The following PAK1 variants were observed in gnomAD, a reference collection of about 807,000 sequenced individuals.
The protein encoded by PAK1 is serine/threonine-protein kinase PAK 1.
In PAK1, 29 loss-of-function variants were observed where a neutral mutation model predicts 67.4. That is an observed-to-expected ratio of 0.43 (90% CI 0.32 to 0.59). The LOEUF is 0.59. Among genes scored for constraint, PAK1 ranks in the 20% least tolerant of loss-of-function variants. The pLI is 0.07. For synonymous variants in PAK1, 223 were observed against 237.4 expected, an observed-to-expected ratio of 0.94 and a Z score of 0.56; for missense variants, 337 against 670.7, an observed-to-expected ratio of 0.50 and a Z score of 5.50.
chr11:77,443,295 C>T (rs936181046), intron 1 of PAK1, among the ~76,000 whole-genome samples: 5 of 143,730 alleles, frequency 3.5e-5, no homozygotes, highest in African/African-American at 1.3e-4. Flanking sequence ...CAGAGTGAGA[C>T]TCCGTCTCTT....
At position 77,467,831 on chromosome 11, in the gene PAK1, C is replaced by A. The variant is rs142846638; in HGVS notation, c.-22+5721G>T. ...AACAAATAGAGATTTAAATAAGTGTCCAAGTAGCTCTTTGTCTAACTTCAA... is the reference window on the plus strand; with the variant it reads ...AACAAATAGAGATTTAAATAAGTGTACAAGTAGCTCTTTGTCTAACTTCAA... On this transcript the variant is annotated intron_variant, in intron 1 of 14. Transcript: ENST00000356341. 1.3e-4 allele frequency among the ~76,000 whole-genome samples: 20 copies of A among 152,304 alleles called. No individual in the cohort carries two copies. The East Asian group carries it at 3.9e-3, about 29-fold the overall frequency.
At chr11:77,507,394 C>T in the PAK1 span, among the ~76,000 whole-genome samples, 2 of 152,198 alleles carry the variant, frequency 1.3e-5, no homozygotes, top group African/African-American at 4.8e-5. Flanking sequence ...AGAGGCTTTG[C>T]AGCTCTGCCT....
chr11:77,443,069 A>C (rs1956428392), intron 1 of PAK1, among the ~76,000 whole-genome samples: 1 of 152,200 alleles, frequency 6.6e-6, no homozygotes, highest in South Asian at 2.1e-4. Flanking sequence ...TCATGCCTGT[A>C]ATCCCAGCAC....
chr11:77,441,914 T>A (rs928016363), intron 1 of PAK1, among the ~76,000 whole-genome samples: 1 of 152,196 alleles, frequency 6.6e-6, no homozygotes, highest in South Asian at 2.1e-4. Flanking sequence ...AATCTTCTTG[T>A]GTTCCCGACC....
intron 2 of PAK1, among the ~76,000 whole-genome samples, chr11:77,390,663 CTTTTTTTTT>C (rs56816970): frequency 7.5e-6 from 1 of 132,768 alleles, no homozygotes; most frequent in Admixed American, 7.6e-5. Context: ...TGCCCGACTC[CTTTTTTTTT>C]TTTTTTTTTA....
the PAK1 span, among the ~76,000 whole-genome samples, chr11:77,488,851 G>A: frequency 6.6e-6 from 1 of 152,120 alleles, no homozygotes; most frequent in Non-Finnish European, 1.5e-5. Flanking sequence ...TAAAAAGGAG[G>A]TCGAGAGAGA....
the PAK1 span, among the ~76,000 whole-genome samples, chr11:77,494,507 T>C: frequency 1.3e-5 from 2 of 150,954 alleles, no homozygotes; most frequent in African/African-American, 4.9e-5. Context: ...GGACTACAGG[T>C]ACATGCCACT....
the PAK1 span, among the ~76,000 whole-genome samples, chr11:77,520,007 C>CA: frequency 2.6e-5 from 4 of 152,164 alleles, no homozygotes; most frequent in Non-Finnish European, 5.9e-5. Flanking sequence ...CTGTGGCCCC[C>CA]CCCTCCGCCC....
the PAK1 span, among the ~76,000 whole-genome samples, chr11:77,487,430 G>A: frequency 6.6e-6 from 1 of 151,870 alleles, no homozygotes; most frequent in African/African-American, 2.4e-5. Flanking sequence ...TGAGAAAAAA[G>A]TAGAGAGGAC....
the PAK1 span, among the ~76,000 whole-genome samples, chr11:77,506,960 T>C: frequency 6.6e-6 from 1 of 152,198 alleles, no homozygotes; most frequent in Non-Finnish European, 1.5e-5. Flanking sequence ...TCCATGAAGA[T>C]AAAGATCTTC....
At chr11:77,514,352 G>T in the PAK1 span, among the ~76,000 whole-genome samples, 1 of 152,044 alleles carries the variant, frequency 6.6e-6, no homozygotes, top group Non-Finnish European at 1.5e-5. Flanking sequence ...AAAATTAGTC[G>T]GGTGTAGTGG....
Position 77,379,398 on chromosome 11 carries a change from A to T in PAK1, c.292-10T>A. The T allele has an allele frequency of 6.2e-7, 1 of 1,607,790 alleles. No homozygotes were observed. Among genetic ancestry groups the T allele is most frequent in the Non-Finnish European group, 8.5e-7 (1 of 1,177,044 alleles). ...ACTGCTCTGGCATTCCCTGTAAGAG[A>T]GACATGCAAGACTAACAGGAAGGCA... On this transcript the variant is annotated splice_polypyrimidine_tract_variant and intron_variant, in intron 3 of 14. Coordinates refer to ENST00000356341, the MANE Select transcript of PAK1 (RefSeq NM_002576.5).
At position 77,322,883 on chromosome 11, in the gene PAK1, C is replaced by T. The variant is rs1591605102; in HGVS notation, c.*391G>A. 7.5e-6 allele frequency: 4 copies of T among 535,794 alleles called. No individual in the cohort carries two copies. The East Asian group carries it at 1.2e-4, about 16-fold the overall frequency. The allele number at this position is 535,794 out of a possible 1,614,324, so 33.2% of individuals were successfully genotyped here. A position where few individuals can be genotyped will look rare whatever the true frequency, so the allele number is the denominator to read the frequency against. On this transcript the variant is annotated 3_prime_UTR_variant, in exon 15 of 15. Transcript: ENST00000356341. The stretch of plus-strand genomic sequence containing the variant: ...AGAAAAGCAAGCACTAAAGAAATCT[C>T]AATTGATTACAAATTGATAATATTA...
At chr11:77,346,477 T>C (rs1023466553) in intron 9 of PAK1, among the ~76,000 whole-genome samples, 14 of 152,186 alleles carry the variant, frequency 9.2e-5, no homozygotes, top group Non-Finnish European at 1.9e-4. Flanking sequence ...CATCAATACA[T>C]TGAAGATAAT....
chr11:77,322,828 T>C lies in PAK1; in HGVS notation c.*446A>G, dbSNP rs1183393745. ...TTCCCAAGCTGTTCCAGTTTTCAAG[T>C]ACAATGAGGTGTCTGGGCAGTTGAG... is the stretch of plus-strand genomic sequence containing the variant. On this transcript the variant is annotated 3_prime_UTR_variant, in exon 15 of 15. Coordinates refer to ENST00000356341, the MANE Select transcript of PAK1 (RefSeq NM_002576.5). The C allele has an allele frequency of 2.4e-6, 1 of 417,446 alleles. No individual in the cohort carries two copies. Among genetic ancestry groups the C allele is most frequent in the African/African-American group, 2.1e-5 (1 of 48,758 alleles). 25.9% of individuals were successfully genotyped at this position (417,446 alleles called of 1,614,324 possible).
chr11:77,345,146 G>A (rs1392051626), intron 9 of PAK1, among the ~76,000 whole-genome samples: 1 of 152,010 alleles, frequency 6.6e-6, no homozygotes, highest in Non-Finnish European at 1.5e-5. Flanking sequence ...CTTACAACTT[G>A]CTATCATGTA....
At chr11:77,329,452 A>T (rs1312300226) in intron 14 of PAK1, 1 of 152,280 alleles carries the variant, frequency 6.6e-6, no homozygotes, top group Non-Finnish European at 1.5e-5. Context: ...AGTGGGCTTC[A>T]TCCCTGGGAT....
intron 5 of PAK1, among the ~76,000 whole-genome samples, chr11:77,363,828 T>G (rs975691303): frequency 3.9e-5 from 6 of 152,190 alleles, no homozygotes; most frequent in African/African-American, 1.4e-4. Flanking sequence ...TATTGAGAAG[T>G]GCTTATGACT....
upstream of PAK1, chr11:77,474,424 T>G (rs1157414023): frequency 2.0e-5 from 3 of 152,182 alleles, no homozygotes; most frequent in Non-Finnish European, 1.5e-5. Context: ...GTCGCGTCAC[T>G]GTTCTCGGTC....
Sources: gnomAD v4.1 joint callset for allele counts (sites outside exome capture counted in the v4.1 genomes callset) on GRCh38, gnomAD v4.1.1 for gene constraint, MANE v1.5 for transcripts, NCBI Gene and HGNC (gene_info 2026-07-23, HGNC 2026-07-21) for gene names.